The following TNS3 variants were observed in gnomAD, a reference collection of about 807,000 sequenced individuals.
TNS3 encodes the protein tensin-3.
A neutral mutation model predicts 140.9 loss-of-function variants in TNS3; 45 were observed. That is an observed-to-expected ratio of 0.32 (90% confidence interval 0.25 to 0.41). TNS3 has a LOEUF of 0.41. Among genes scored for constraint, TNS3 ranks in the 10% least tolerant of loss-of-function variants. The probability of loss-of-function intolerance (pLI) is 1.00; values close to 1 mark genes in which losing one functional copy is unlikely to be tolerated. For missense variants in TNS3, 1,716 were observed against 1,906.7 expected, an observed-to-expected ratio of 0.90 and a Z score of 1.86; for synonymous variants, 815 against 788.4, an observed-to-expected ratio of 1.03 and a Z score of -0.56.
At chr7:47,346,430 G>T in intron 17 of TNS3, 74 bp from the exon 18 acceptor site, 1 of 1,559,182 alleles carries the variant, frequency 6.4e-7, no homozygotes, top group Non-Finnish European at 8.7e-7. Context: ...CTTAAATCTT[G>T]CCTGCTGCTT....
intron 18 of TNS3, among the ~76,000 whole-genome samples, chr7:47,345,646 T>A (rs1789292262): frequency 6.6e-6 from 1 of 152,170 alleles, no homozygotes; most frequent in Non-Finnish European, 1.5e-5. Flanking sequence ...ACTAGAAGCC[T>A]TACCTAGGCC....
At chr7:47,552,043 T>TTTTTTTTTTTTTTTTTTTTTTG (rs1800078318) in intron 1 of TNS3, among the ~76,000 whole-genome samples, 1 of 150,888 alleles carries the variant, frequency 6.6e-6, no homozygotes, top group African/African-American at 2.5e-5. Flanking sequence ...GCGGCATTCT[T>TTTTTTTTTTTTTTTTTTTTTTG]ACCCACCATA....
chr7:47,549,950 C>A (rs1020211736), intron 1 of TNS3, among the ~76,000 whole-genome samples: 22 of 133,848 alleles, frequency 1.6e-4, no homozygotes, highest in African/African-American at 5.9e-4. Context: ...ATCCCCACAA[C>A]CTAGTTACTT....
At chr7:47,314,819 G>A (rs1399163581) in intron 20 of TNS3, among the ~76,000 whole-genome samples, 2 of 152,290 alleles carry the variant, frequency 1.3e-5, no homozygotes, top group South Asian at 2.1e-4. Flanking sequence ...GGGCATCTGC[G>A]GAGGCATTAA....
chr7:47,464,740 A>G (rs1372515702), intron 4 of TNS3, among the ~76,000 whole-genome samples: 2 of 152,174 alleles, frequency 1.3e-5, no homozygotes, highest in African/African-American at 4.8e-5. Context: ...TGTGGTTTAT[A>G]CTAACGACCT....
At chr7:47,366,199 T>C (rs1461258706) in intron 17 of TNS3, among the ~76,000 whole-genome samples, 1 of 152,218 alleles carries the variant, frequency 6.6e-6, no homozygotes, top group Non-Finnish European at 1.5e-5. Context: ...ATTTCCCAAA[T>C]ATATTTGTTT....
intron 8 of TNS3, among the ~76,000 whole-genome samples, chr7:47,430,255 A>G (rs1163839011): frequency 2.0e-5 from 3 of 151,630 alleles, no homozygotes; most frequent in East Asian, 1.9e-4. Flanking sequence ...CAGCCTCCCA[A>G]GTAGCTGGAA....
chr7:47,503,095 T>C (rs1798287801), intron 3 of TNS3, among the ~76,000 whole-genome samples: 1 of 152,146 alleles, frequency 6.6e-6, no homozygotes, highest in South Asian at 2.1e-4. Context: ...TTCCCCTCAC[T>C]AACTCCTGCG....
At chr7:47,346,103 G>A in intron 18 of TNS3, 84 bp downstream of exon 18, 1 of 1,539,560 alleles carries the variant, frequency 6.5e-7, no homozygotes. Flanking sequence ...GACAAGGCCT[G>A]GTCATTGCCC....
intron 20 of TNS3, among the ~76,000 whole-genome samples, chr7:47,323,065 G>A (rs1023711976): frequency 1.3e-5 from 2 of 152,180 alleles, no homozygotes; most frequent in African/African-American, 2.4e-5. Flanking sequence ...ACCCTGGGCC[G>A]ACCATGCAGC....
At chr7:47,414,757 T>C (rs752600373) in intron 11 of TNS3, among the ~76,000 whole-genome samples, 2 of 152,182 alleles carry the variant, frequency 1.3e-5, no homozygotes, top group East Asian at 1.9e-4. Flanking sequence ...GCTTCTTCCA[T>C]GGCTTGTGAC....
At chr7:47,525,035 T>C (rs969348341) in intron 2 of TNS3, among the ~76,000 whole-genome samples, 1 of 152,108 alleles carries the variant, frequency 6.6e-6, no homozygotes, top group African/African-American at 2.4e-5. Flanking sequence ...TGACCAAAAA[T>C]CTATTTCACC....
chr7:47,574,076 G>A (rs886923997), intron 1 of TNS3, among the ~76,000 whole-genome samples: 4 of 152,122 alleles, frequency 2.6e-5, no homozygotes, highest in East Asian at 3.9e-4. Flanking sequence ...GTTCTGGACC[G>A]TTCCCTCAGA....
chr7:47,340,779 T>C (rs1448733599), intron 20 of TNS3, among the ~76,000 whole-genome samples: 1 of 152,090 alleles, frequency 6.6e-6, no homozygotes, highest in Non-Finnish European at 1.5e-5. Flanking sequence ...ACAGTTTTAT[T>C]TCTTTCCTCT....
chr7:47,409,892 C>A, intron 13 of TNS3, among the ~76,000 whole-genome samples: 1 of 152,128 alleles, frequency 6.6e-6, no homozygotes, highest in Non-Finnish European at 1.5e-5. Flanking sequence ...CTCCTGACCT[C>A]GTGATCCGCC....
chr7:47,415,262 G>A (rs1276796696), intron 10 of TNS3, 56 bp from the exon 11 acceptor site: 1 of 1,282,832 alleles, frequency 7.8e-7, no homozygotes. Flanking sequence ...CCTCTGCTGA[G>A]AAGGGAACTC....
chr7:47,409,266 C>T (rs371158761), intron 13 of TNS3, among the ~76,000 whole-genome samples: 32 of 149,982 alleles, frequency 2.1e-4, no homozygotes, highest in East Asian at 9.7e-4. Context: ...CAGGAGACTG[C>T]CCCCGCCCGC....
rs148518541 is a variant in TNS3 at position 47,492,819 on chromosome 7, G to A, written c.-114-11678C>T. On this transcript the variant is annotated intron_variant, in intron 3 of 30. Coordinates refer to ENST00000311160, the MANE Select transcript of TNS3 (RefSeq NM_022748.12). Reference sequence around the variant, plus strand: ...AGCAGGTGTTTGTATTTTCAACCACGCCAGCCTCATGCTGAGAAAGGCGGG... The same window carrying A: ...AGCAGGTGTTTGTATTTTCAACCACACCAGCCTCATGCTGAGAAAGGCGGG... Among the ~76,000 whole-genome samples, 530 of 152,294 alleles carry A rather than the reference G, an allele frequency of 3.5e-3. 2 individuals carry two copies. Among genetic ancestry groups the A allele is most frequent in the South Asian group, 5.8e-3 (28 of 4,818 alleles).
At chr7:47,487,655 C>T (rs1404260617) in intron 3 of TNS3, among the ~76,000 whole-genome samples, 1 of 152,180 alleles carries the variant, frequency 6.6e-6, no homozygotes, top group Non-Finnish European at 1.5e-5. Context: ...GGGCCAGCCA[C>T]TGACCTTGCC....
Sources: gnomAD v4.1 joint callset for allele counts (sites outside exome capture counted in the v4.1 genomes callset) on GRCh38, gnomAD v4.1.1 for gene constraint, MANE v1.5 for transcripts, NCBI Gene and HGNC (gene_info 2026-07-23, HGNC 2026-07-21) for gene names.